The following LSAMP variants were observed in gnomAD, a reference collection of about 807,000 sequenced individuals.
LSAMP encodes the protein limbic system associated membrane protein, also known as limbic system-associated membrane protein.
A neutral mutation model predicts 38.6 loss-of-function variants in LSAMP; 7 were observed. The observed-to-expected ratio is 0.18, with a 90% CI of 0.10 to 0.34. LSAMP has a LOEUF of 0.34. Ranked by LOEUF, LSAMP falls within the 10% of genes least tolerant of loss-of-function variation. The probability of loss-of-function intolerance (pLI) is 1.00; values close to 1 mark genes in which losing one functional copy is unlikely to be tolerated. For missense variants in LSAMP, 313 were observed against 420.0 expected (o/e 0.75, Z 2.23); for synonymous variants, 154 against 166.8 (o/e 0.92, Z 0.59).
intron 1 of LSAMP, among the ~76,000 whole-genome samples, chr3:116,127,572 TACTC>T (rs1303779264): frequency 6.6e-5 from 10 of 151,970 alleles, no homozygotes; most frequent in Non-Finnish European, 1.3e-4. Context: ...AGTACAAAAA[TACTC>T]ACATTTAAAA....
In LSAMP at chr3:116,074,104, T is replaced by A. The variant is rs954137498; in HGVS notation, c.388+12220A>T. Among the ~76,000 whole-genome samples the A allele has an allele frequency of 3.9e-5, 6 of 152,310 alleles. No individual in the cohort carries two copies. In the South Asian group the frequency reaches 1.2e-3, roughly 32 times the overall value. ...AAGTGCCACCAATTACCTGAATAGA[T>A]TCTCCTTGGTTTTGAGTTCCTTGTA... On this transcript the variant is annotated intron_variant, in intron 2 of 6. Transcript: ENST00000490035.
In LSAMP at chr3:116,248,477, A is replaced by ATGTGTGTGTGTG. The variant is rs3028670; in HGVS notation, c.156-161933_156-161922dup. Among the ~76,000 whole-genome samples the ATGTGTGTGTGTG allele has an allele frequency of 1.5e-3, 206 of 141,046 alleles. 4 individuals are homozygous for ATGTGTGTGTGTG. Among genetic ancestry groups the ATGTGTGTGTGTG allele is most frequent in the African/African-American group, 5.2e-3 (186 of 35,860 alleles). 92.5% of individuals were successfully genotyped at this position (141,046 alleles called of 152,430 possible). On this transcript the variant is annotated intron_variant, in intron 1 of 6. Coordinates refer to ENST00000490035, the MANE Select transcript of LSAMP (RefSeq NM_002338.5). Reference sequence around the variant, plus strand: ...GCAATATAGTAAGACCCTGTCTCTAATGTGTGTGTGTGTGTGTGTGTGTGT... The same window carrying ATGTGTGTGTGTG: ...GCAATATAGTAAGACCCTGTCTCTAATGTGTGTGTGTGTGTGTGTGTGTGTGTGTGTGTGTGT...
In LSAMP at chr3:116,104,279, G is replaced by A. The variant is rs55833753; in HGVS notation, c.156-17723C>T. Among the ~76,000 whole-genome samples the A allele has an allele frequency of 6.8e-3, 1,030 of 152,228 alleles. 7 individuals are homozygous for A. The highest frequency in any genetic ancestry group is 0.011 in the Non-Finnish European group (718 of 68,032). The stretch of plus-strand genomic sequence containing the variant: ...CAAGATCAAAAGATACATATTCAAT[G>A]CGAAACAGTGTAGCCTGTTAGCCCC... On this transcript the variant is annotated intron_variant, in intron 1 of 6. Transcript: ENST00000490035.
At chr3:115,858,379 C>T (rs1002496537) in intron 3 of LSAMP, among the ~76,000 whole-genome samples, 4 of 152,114 alleles carry the variant, frequency 2.6e-5, no homozygotes, top group Non-Finnish European at 5.9e-5. Context: ...ATTATAGTAC[C>T]TGTCTTTCCT....
chr3:116,325,781 A>G (rs1156572504), intron 1 of LSAMP, among the ~76,000 whole-genome samples: 1 of 151,434 alleles, frequency 6.6e-6, no homozygotes, highest in Admixed American at 6.6e-5. Context: ...GTGTAGAGCT[A>G]CTTTGAACCC....
At chr3:115,975,959 C>T (rs987142107) in intron 3 of LSAMP, among the ~76,000 whole-genome samples, 4 of 152,180 alleles carry the variant, frequency 2.6e-5, no homozygotes, top group Admixed American at 6.5e-5. Context: ...CAGGTTGAAA[C>T]CTTACAGGGA....
intron 3 of LSAMP, among the ~76,000 whole-genome samples, chr3:116,000,169 C>T (rs553986675): frequency 1.3e-5 from 2 of 152,290 alleles, no homozygotes; most frequent in Admixed American, 1.3e-4. Flanking sequence ...AATGCCTCTA[C>T]TCTTTGTTTT....
chr3:116,270,502 G>A (rs953037601), intron 1 of LSAMP, among the ~76,000 whole-genome samples: 1 of 152,094 alleles, frequency 6.6e-6, no homozygotes, highest in African/African-American at 2.4e-5. Flanking sequence ...ATGGGTCTGA[G>A]GCCATCAGCA....
chr3:116,128,152 G>A (rs1709048856), intron 1 of LSAMP, among the ~76,000 whole-genome samples: 2 of 152,158 alleles, frequency 1.3e-5, no homozygotes, highest in South Asian at 4.1e-4. Context: ...ATGTCCTAGG[G>A]CCTGGAAATA....
intron 3 of LSAMP, among the ~76,000 whole-genome samples, chr3:115,885,073 T>C (rs2107442379): frequency 6.6e-6 from 1 of 152,186 alleles, no homozygotes; most frequent in Middle Eastern, 3.4e-3. Flanking sequence ...TTAGGGAACT[T>C]ACAGAAGTGA....
intron 2 of LSAMP, among the ~76,000 whole-genome samples, chr3:116,039,932 G>T (rs903570094): frequency 2.0e-5 from 3 of 152,064 alleles, no homozygotes; most frequent in Non-Finnish European, 4.4e-5. Context: ...CATCGCTAAA[G>T]CCCTGTCTCA....
intron 1 of LSAMP, among the ~76,000 whole-genome samples, chr3:116,101,505 G>A (rs1708346928): frequency 6.6e-6 from 1 of 152,064 alleles, no homozygotes; most frequent in African/African-American, 2.4e-5. Context: ...TCAGATCAGG[G>A]CAATCAACAT....
Position 115,828,739 on chromosome 3 carries a change from C to G in LSAMP, c.919+13106G>C, listed in dbSNP as rs140024204. 2.0e-3 allele frequency among the ~76,000 whole-genome samples: 301 copies of G among 152,270 alleles called. 4 individuals are homozygous for G. Among genetic ancestry groups the G allele is most frequent in the African/African-American group, 6.6e-3 (275 of 41,542 alleles). ...ACCTAATCCCCAAATGTAACTGTTA[C>G]TTTGAAAATTTTTTTTTCTATAAAG... On this transcript the variant is annotated intron_variant, in intron 6 of 6. Coordinates refer to ENST00000490035, the MANE Select transcript of LSAMP (RefSeq NM_002338.5).
chr3:116,294,993 C>A (rs1434140786), intron 1 of LSAMP, among the ~76,000 whole-genome samples: 1 of 152,042 alleles, frequency 6.6e-6, no homozygotes, highest in Non-Finnish European at 1.5e-5. Flanking sequence ...GTCAAGAGAG[C>A]AGGAAATAAA....
intron 1 of LSAMP, among the ~76,000 whole-genome samples, chr3:116,132,093 G>A (rs571356762): frequency 6.6e-6 from 1 of 152,202 alleles, no homozygotes; most frequent in South Asian, 2.1e-4. Flanking sequence ...CTCCCAAAGT[G>A]CTGGGATTAT....
chr3:116,283,348 T>C (rs1288033828), intron 1 of LSAMP, among the ~76,000 whole-genome samples: 3 of 152,160 alleles, frequency 2.0e-5, no homozygotes, highest in African/African-American at 7.2e-5. Flanking sequence ...ATGACAAGTA[T>C]ACAGTTGTTG....
At chr3:116,200,969 T>C (rs1183201863) in intron 1 of LSAMP, among the ~76,000 whole-genome samples, 1 of 152,180 alleles carries the variant, frequency 6.6e-6, no homozygotes, top group Non-Finnish European at 1.5e-5. Context: ...TAAGCCCAAT[T>C]TGCATAATAT....
intron 1 of LSAMP, among the ~76,000 whole-genome samples, chr3:116,178,733 G>A (rs1403479730): frequency 6.6e-6 from 1 of 151,982 alleles, no homozygotes; most frequent in Non-Finnish European, 1.5e-5. Flanking sequence ...TTCTCATCTG[G>A]CTCTCTATCC....
chr3:115,994,190 T>G (rs1939751340), intron 3 of LSAMP, among the ~76,000 whole-genome samples: 1 of 152,010 alleles, frequency 6.6e-6, no homozygotes, highest in African/African-American at 2.4e-5. Flanking sequence ...CCTGCTCTTA[T>G]TGTTGGCATA....
Sources: gnomAD v4.1 joint callset for allele counts (sites outside exome capture counted in the v4.1 genomes callset) on GRCh38, gnomAD v4.1.1 for gene constraint, MANE v1.5 for transcripts, NCBI Gene and HGNC (gene_info 2026-07-23, HGNC 2026-07-21) for gene names.